QTRT1: variants seen among roughly 807,000 people sequenced by gnomAD.
QTRT1 encodes queuine tRNA-ribosyltransferase catalytic subunit 1.
A neutral mutation model predicts 44.0 loss-of-function variants in QTRT1; 41 were observed. The ratio of observed to expected loss-of-function variants is 0.93; its 90% CI spans 0.73 to 1.21. The LOEUF is 1.21. Among genes scored for constraint, QTRT1 ranks in the 50% most tolerant of loss-of-function variants. QTRT1 has a pLI of 0.00. For synonymous variants in QTRT1, 226 were observed against 237.1 expected (o/e 0.95, Z 0.43); for missense variants, 542 against 575.8 (o/e 0.94, Z 0.60).
chr19:10,703,948 C>T (rs1055651376), intron 3 of QTRT1, among the ~76,000 whole-genome samples: 1 of 152,058 alleles, frequency 6.6e-6, no homozygotes, highest in Non-Finnish European at 1.5e-5. Context: ...TGGCCTCAAG[C>T]AATTCTCCTG....
intron 5 of QTRT1, 48 bp downstream of exon 5, chr19:10,707,663 C>T (rs1332467180): frequency 2.2e-6 from 3 of 1,364,386 alleles, no homozygotes; most frequent in South Asian, 1.3e-5. Context: ...CGCGGAGGTC[C>T]CCACATGGGC....
chr19:10,710,789 G>C (rs1050061037), intron 5 of QTRT1, among the ~76,000 whole-genome samples: 2 of 151,876 alleles, frequency 1.3e-5, no homozygotes, highest in Non-Finnish European at 2.9e-5. Flanking sequence ...CGGGCATGGT[G>C]GTGGGCGACT....
At chr19:10,703,958 G>A (rs1034985167) in intron 3 of QTRT1, among the ~76,000 whole-genome samples, 5 of 151,958 alleles carry the variant, frequency 3.3e-5, no homozygotes, top group Non-Finnish European at 7.4e-5. Context: ...CAATTCTCCT[G>A]CCTCAGCCTC....
At chr19:10,702,316 G>C in intron 3 of QTRT1, 62 bp downstream of exon 3, 1 of 1,569,582 alleles carries the variant, frequency 6.4e-7, no homozygotes, top group East Asian at 2.3e-5. Context: ...GTTTACACGG[G>C]GCCTGTTTTT....
intron 3 of QTRT1, among the ~76,000 whole-genome samples, chr19:10,704,287 T>TTTGA (rs1298814397): frequency 6.6e-6 from 1 of 152,142 alleles, no homozygotes; most frequent in Admixed American, 6.5e-5. Flanking sequence ...CCATGTGTTT[T>TTTGA]TTGTTTGTTT....
rs2068719667 is a variant in QTRT1 at position 10,707,539 on chromosome 19, G to A, written c.570G>A (p.Gln190=). 1 of 1,613,194 alleles carries A rather than the reference G, an allele frequency of 6.2e-7. No individual in the cohort carries two copies. Among genetic ancestry groups the A allele is most frequent in the South Asian group, 1.1e-5 (1 of 91,032 alleles). Residue 190 remains glutamine (Q), a synonymous_variant, in exon 5 of 10, where the codon CAG becomes CAA. Coordinates refer to ENST00000250237, the MANE Select transcript of QTRT1 (RefSeq NM_031209.3). ...TGGACCGGTGCATTGCAGCCCATCA[G>A]CGGCCGGACAAGCAGAACCTCTTCG... is the stretch of plus-strand genomic sequence containing the variant. ...RWLDRCIAAH[Q]RPDKQNLFAI...
In QTRT1 at chr19:10,702,130, C is replaced by A; in HGVS notation, c.327C>A (p.Phe109Leu). The A allele has an allele frequency of 6.2e-7, 1 of 1,614,156 alleles. No homozygotes were observed. Among genetic ancestry groups the A allele is most frequent in the East Asian group, 2.2e-5 (1 of 44,882 alleles). ...PHNLLTDSGG[F>L]QMVSLVSLSE... Reference sequence around the variant, plus strand: ...GTTTCCCTTAGGACAGCGGCGGTTTCCAGATGGTGTCGCTGGTGTCTCTGT... The same window carrying A: ...GTTTCCCTTAGGACAGCGGCGGTTTACAGATGGTGTCGCTGGTGTCTCTGT... The change falls in exon 3 of 10, where the codon TTC becomes TTA. Residue 109 changes from phenylalanine to leucine, a missense_variant. Coordinates refer to ENST00000250237, the MANE Select transcript of QTRT1 (RefSeq NM_031209.3).
At chr19:10,708,631 C>T (rs766479705) in intron 5 of QTRT1, among the ~76,000 whole-genome samples, 7 of 152,140 alleles carry the variant, frequency 4.6e-5, no homozygotes, top group Non-Finnish European at 7.3e-5. Flanking sequence ...AGCTCCCCTT[C>T]CCATGATCCG....
chr19:10,712,065 C>T lies in QTRT1; in HGVS notation c.647-96C>T, dbSNP rs2068740902. 2 of 1,505,764 alleles carry T rather than the reference C, an allele frequency of 1.3e-6. No homozygotes were observed. Among genetic ancestry groups the T allele is most frequent in the African/African-American group, 2.7e-5 (2 of 72,940 alleles). 93.3% of individuals were successfully genotyped at this position (1,505,764 alleles called of 1,614,324 possible). A position where few individuals can be genotyped will look rare whatever the true frequency, so the allele number is the denominator to read the frequency against. ...TCTGTCTGTTTCTCTGACTCTCTCC[C>T]TGAGCGACTCTGGAAGTCTGGGCAG... is the stretch of plus-strand genomic sequence containing the variant. On this transcript the variant is annotated intron_variant, in intron 5 of 9. Transcript: ENST00000250237. The surrounding 1 kb of genome is among the most constrained non-coding windows in gnomAD (Gnocchi z 5.6).
Position 10,705,815 on chromosome 19 carries a change from C to T in QTRT1, c.452-1487C>T, listed in dbSNP as rs977192789. 3.5e-5 allele frequency among the ~76,000 whole-genome samples: 5 copies of T among 142,770 alleles called. 1 individual carries two copies. Among genetic ancestry groups the T allele is most frequent in the South Asian group, 4.6e-4 (2 of 4,394 alleles). The allele number at this position is 142,770 out of a possible 152,430, so 93.7% of individuals were successfully genotyped here. A position where few individuals can be genotyped will look rare whatever the true frequency, so the allele number is the denominator to read the frequency against. ...CCTCCCAAAGTGCTGGGGTTACAGG[C>T]GCAAGCCACCAGGCCTGGCCTGTTC... On this transcript the variant is annotated intron_variant, in intron 3 of 9. Coordinates refer to ENST00000250237, the MANE Select transcript of QTRT1 (RefSeq NM_031209.3).
chr19:10,706,403 C>T (rs541824755), intron 3 of QTRT1, among the ~76,000 whole-genome samples: 2 of 152,246 alleles, frequency 1.3e-5, no homozygotes, highest in African/African-American at 2.4e-5. Flanking sequence ...GACGGTGTCT[C>T]GCTCTGTCGC....
Position 10,712,207 on chromosome 19 carries a change from C to G in QTRT1, c.693C>G (p.Ser231Arg). 3 of 1,613,880 alleles carry G rather than the reference C, an allele frequency of 1.9e-6. No individual in the cohort carries two copies. The highest frequency in any genetic ancestry group is 2.5e-6 in the Non-Finnish European group (3 of 1,180,046). Reference sequence around the variant, plus strand: ...CTGGCTTCGCCATCGGGGGCCTGAGCGGGGGTGAGAGCAAGTCGCAGTTCT... The same window carrying G: ...CTGGCTTCGCCATCGGGGGCCTGAGGGGGGGTGAGAGCAAGTCGCAGTTCT... ...DVPGFAIGGL[S>R]GGESKSQFWR... The change falls in exon 6 of 10, where the codon AGC (serine) becomes AGG (arginine). Residue 231 changes from serine (S) to arginine (R), a missense_variant. Ser to Arg is a moderately radical substitution (Grantham distance 110). Transcript: ENST00000250237. This position sits in a 1 kb window ranked among gnomAD's most constrained non-coding sequence, Gnocchi z 5.6.
At position 10,712,528 on chromosome 19, in the gene QTRT1, C is replaced by T. The variant is rs368902930; in HGVS notation, c.786-25C>T. 2 of 1,607,342 alleles carry T rather than the reference C, an allele frequency of 1.2e-6. No homozygotes were observed. Among genetic ancestry groups the T allele is most frequent in the Non-Finnish European group, 1.7e-6 (2 of 1,174,018 alleles). On this transcript the variant is annotated intron_variant, in intron 6 of 9. Coordinates refer to ENST00000250237, the MANE Select transcript of QTRT1 (RefSeq NM_031209.3). The surrounding 1 kb of genome is among the most constrained non-coding windows in gnomAD (Gnocchi z 5.6). ...GGGAAGCCCCTGAGGTTCTCTGCCC[C>T]CTCCCGTCATGGCTGCAACCCCAGC...
At position 10,712,070 on chromosome 19, in the gene QTRT1, C is replaced by A; in HGVS notation, c.647-91C>A. The A allele has an allele frequency of 6.6e-7, 1 of 1,523,580 alleles. No homozygotes were observed. Among genetic ancestry groups the A allele is most frequent in the Non-Finnish European group, 9.0e-7 (1 of 1,110,340 alleles). The allele number at this position is 1,523,580 out of a possible 1,614,324, so 94.4% of individuals were successfully genotyped here. On this transcript the variant is annotated intron_variant, in intron 5 of 9. Coordinates refer to ENST00000250237, the MANE Select transcript of QTRT1 (RefSeq NM_031209.3). The surrounding 1 kb of genome is among the most constrained non-coding windows in gnomAD (Gnocchi z 5.6). ...CTGTTTCTCTGACTCTCTCCCTGAG[C>A]GACTCTGGAAGTCTGGGCAGGGTGT...
rs2068725331 is a variant in QTRT1, at chr19:10,708,664, G to T, written c.646+1049G>T. Among the ~76,000 whole-genome samples, 3 of 151,656 alleles carry T rather than the reference G, an allele frequency of 2.0e-5. No homozygotes were observed. In the South Asian group the frequency reaches 6.3e-4, roughly 32 times the overall value. On this transcript the variant is annotated intron_variant, in intron 5 of 9. Coordinates refer to ENST00000250237, the MANE Select transcript of QTRT1 (RefSeq NM_031209.3). ...CCGACCAGAGTTGGAGCTAGGGAAG[G>T]CCTAGGAATCTGCATGTAAACACCC...
chr19:10,702,506 C>G (rs906756431), intron 3 of QTRT1, among the ~76,000 whole-genome samples: 1 of 152,032 alleles, frequency 6.6e-6, no homozygotes, highest in Non-Finnish European at 1.5e-5. Context: ...CAGTTTTTCT[C>G]TCATTAGCAA....
chr19:10,703,252 G>C lies in QTRT1; in HGVS notation c.451+998G>C, dbSNP rs115795469. Among the ~76,000 whole-genome samples, 3 of 151,000 alleles carry C rather than the reference G, an allele frequency of 2.0e-5. No individual in the cohort carries two copies. The South Asian group carries it at 6.3e-4, about 32-fold the overall frequency. Reference sequence around the variant, plus strand: ...TAATTTTTGTATTTTTTGTAGAGACGGGTTTCACTATGTTGGCAAGGCTGG... The same window carrying C: ...TAATTTTTGTATTTTTTGTAGAGACCGGTTTCACTATGTTGGCAAGGCTGG... On this transcript the variant is annotated intron_variant, in intron 3 of 9. Coordinates refer to ENST00000250237, the MANE Select transcript of QTRT1 (RefSeq NM_031209.3).
intron 5 of QTRT1, chr19:10,710,923 CAAAA>C (rs1174882224): frequency 4.6e-5 from 3 of 65,574 alleles, no homozygotes; most frequent in Non-Finnish European, 3.1e-5. Flanking sequence ...AACTCCATCT[CAAAA>C]AAAAAAAAAA....
rs369761816 is a variant in QTRT1, at chr19:10,701,977, G to C, written c.271G>C (p.Gly91Arg). The change falls in exon 2 of 10, where the codon GGT becomes CGT. Residue 91 changes from glycine (G) to arginine (R), a missense_variant. Physicochemically the swap from Gly to Arg is moderately radical, Grantham distance 125 (BLOSUM62 -2). Transcript: ENST00000250237. ...ACCCGAGCTGATCCAGAAAGCCAAC[G>C]GTCTCCACGGCTTCATGAATTGGCC... is the stretch of plus-strand genomic sequence containing the variant. ...PGPELIQKAN[G>R]LHGFMNWPHN... 9 of 1,614,058 alleles carry C rather than the reference G, an allele frequency of 5.6e-6. No homozygotes were observed. In the African/African-American group the frequency reaches 8.0e-5, roughly 14 times the overall value.
Sources: allele counts gnomAD v4.1 joint callset (sites outside exome capture counted in the v4.1 genomes callset), GRCh38; gene constraint gnomAD v4.1.1; non-coding constraint Gnocchi (gnomAD v3.1); transcripts MANE v1.5; gene names NCBI Gene and HGNC (gene_info 2026-07-23, HGNC 2026-07-21).